The following DNMBP variants were observed in gnomAD, a reference collection of about 807,000 sequenced individuals.
DNMBP encodes dynamin binding protein.
Under a neutral mutation model 150.0 loss-of-function variants are expected in DNMBP, and 87 were observed. The ratio of observed to expected loss-of-function variants is 0.58; its 90% CI spans 0.49 to 0.69. The LOEUF is 0.69. Among genes scored for constraint, DNMBP ranks in the 30% least tolerant of loss-of-function variants. DNMBP has a pLI of 0.00. For synonymous variants in DNMBP, 711 were observed against 750.4 expected (o/e 0.95, Z 0.86); for missense variants, 1,774 against 1,949.0 (o/e 0.91, Z 1.69).
At chr10:100,008,249 T>C (rs545681521) in intron 1 of DNMBP, among the ~76,000 whole-genome samples, 1 of 152,294 alleles carries the variant, frequency 6.6e-6, no homozygotes, top group Non-Finnish European at 1.5e-5. Context: ...AAATAACTGG[T>C]GCATATTTAA....
chr10:99,976,901 C>T (rs954897677), intron 1 of DNMBP, among the ~76,000 whole-genome samples: 1 of 152,074 alleles, frequency 6.6e-6, no homozygotes, highest in African/African-American at 2.4e-5. Context: ...TCTTCTTATA[C>T]TACATTTTCT....
intron 6 of DNMBP, among the ~76,000 whole-genome samples, chr10:99,906,558 G>A (rs757376937): frequency 2.5e-4 from 38 of 152,132 alleles, no homozygotes; most frequent in Admixed American, 2.6e-4. Flanking sequence ...TGTCTCAGGC[G>A]TGCTTGCTCT....
At chr10:99,966,775 G>A (rs1179374768) in intron 3 of DNMBP, among the ~76,000 whole-genome samples, 1 of 151,880 alleles carries the variant, frequency 6.6e-6, no homozygotes, top group Non-Finnish European at 1.5e-5. Flanking sequence ...GTTTTCTCTC[G>A]TTAATACGTT....
chr10:99,904,588 G>T (rs149636439), intron 6 of DNMBP, among the ~76,000 whole-genome samples: 1 of 151,988 alleles, frequency 6.6e-6, no homozygotes, highest in South Asian at 2.1e-4. Flanking sequence ...TAGAGCCACC[G>T]GCATGGTACT....
At chr10:99,879,717 G>A in intron 16 of DNMBP, 94 bp downstream of exon 16, 1 of 1,556,734 alleles carries the variant, frequency 6.4e-7, no homozygotes, top group Non-Finnish European at 8.7e-7. Flanking sequence ...TCACCCCTAG[G>A]CCTCAGGCAA....
intron 1 of DNMBP, among the ~76,000 whole-genome samples, chr10:100,005,663 G>A (rs1236893650): frequency 6.7e-6 from 1 of 148,818 alleles, no homozygotes; most frequent in Non-Finnish European, 1.5e-5. Context: ...GCTGAGGCAG[G>A]AAATGGCTTG....
chr10:99,892,740 C>T (rs1223292882), intron 11 of DNMBP, among the ~76,000 whole-genome samples: 2 of 149,740 alleles, frequency 1.3e-5, no homozygotes, highest in African/African-American at 5.0e-5. Context: ...TGAGAAACAC[C>T]CAAGAATTAT....
chr10:99,930,833 G>A (rs2040147463), intron 4 of DNMBP: 2 of 605,390 alleles, frequency 3.3e-6, no homozygotes, highest in South Asian at 2.0e-5. Flanking sequence ...GTGGACAGGT[G>A]CAGTCTAGCC....
In DNMBP at chr10:99,957,105, C is replaced by T; in HGVS notation, c.369G>A (p.Glu123=). The T allele has an allele frequency of 3.7e-6, 6 of 1,614,006 alleles. No homozygotes were observed. The highest frequency in any genetic ancestry group is 5.1e-6 in the Non-Finnish European group (6 of 1,180,016). Residue 123 remains glutamate, a synonymous_variant, in exon 4 of 17, where the codon GAG becomes GAA. Coordinates refer to ENST00000324109, the MANE Select transcript of DNMBP (RefSeq NM_015221.4). The stretch of plus-strand genomic sequence containing the variant: ...GCCGGCTCTGTGAGGAGAGGCAGAG[C>T]TCGCGGACACATGAAGATGGGAAGA... ...RGFFPSSCVR[E]LCLSSQSRQW...
In DNMBP at chr10:99,907,904, G is replaced by A. The variant is rs1257765792; in HGVS notation, c.2554+91C>T. The A allele has an allele frequency of 5.8e-6, 5 of 868,164 alleles. No individual in the cohort carries two copies. In the East Asian group the frequency reaches 1.2e-4, roughly 21 times the overall value. 53.8% of individuals were successfully genotyped at this position (868,164 alleles called of 1,614,324 possible). A position where few individuals can be genotyped will look rare whatever the true frequency, so the allele number is the denominator to read the frequency against. On this transcript the variant is annotated intron_variant, in intron 6 of 16. Transcript: ENST00000324109. ...GTACCTACACCTGTATCTTCCCGGA[G>A]GCATAGTTACTCAGTATCAGGAAGG...
intron 4 of DNMBP, among the ~76,000 whole-genome samples, chr10:99,946,552 C>A (rs945314558): frequency 9.2e-5 from 14 of 152,140 alleles, no homozygotes; most frequent in African/African-American, 2.9e-4. Context: ...GAAAAACTAA[C>A]CATATGCAGA....
chr10:99,911,989 A>G (rs1042388888), intron 4 of DNMBP, among the ~76,000 whole-genome samples: 1 of 152,222 alleles, frequency 6.6e-6, no homozygotes, highest in African/African-American at 2.4e-5. Flanking sequence ...GAGAGGGAGA[A>G]CATTTACTGA....
At chr10:99,881,166 T>C (rs376439176) in intron 15 of DNMBP, among the ~76,000 whole-genome samples, 1 of 151,980 alleles carries the variant, frequency 6.6e-6, no homozygotes, top group South Asian at 2.1e-4. Context: ...AGCCAGATGT[T>C]GCAGTGAGCC....
chr10:99,902,978 A>G (rs2133234903), intron 6 of DNMBP, among the ~76,000 whole-genome samples: 1 of 151,976 alleles, frequency 6.6e-6, no homozygotes, highest in East Asian at 1.9e-4. Context: ...TCCACATCCT[A>G]GACTGGAGTG....
intron 3 of DNMBP, chr10:99,957,793 AC>A (rs1261456496): frequency 6.5e-6 from 1 of 153,264 alleles, no homozygotes; most frequent in East Asian, 1.9e-4. Flanking sequence ...CTGTGATTTC[AC>A]CACTACGCTC....
chr10:99,973,289 GAACAAAACAA>G (rs1033819940), intron 1 of DNMBP, among the ~76,000 whole-genome samples: 2 of 151,884 alleles, frequency 1.3e-5, no homozygotes, highest in Non-Finnish European at 2.9e-5. Flanking sequence ...AGGAATTCAG[GAACAAAACAA>G]AACAAAACAA....
intron 3 of DNMBP, chr10:99,958,296 C>T (rs941624280): frequency 1.3e-5 from 2 of 152,160 alleles, no homozygotes; most frequent in African/African-American, 4.8e-5. Flanking sequence ...ATGCACTGTG[C>T]TAAATCTCAA....
chr10:99,921,483 ACT>A (rs1298523931), intron 4 of DNMBP, among the ~76,000 whole-genome samples: 2 of 152,114 alleles, frequency 1.3e-5, no homozygotes. Flanking sequence ...TGGAGCTTAG[ACT>A]CTACTGGACT....
chr10:99,915,206 T>TAC (rs1204738914), intron 4 of DNMBP, among the ~76,000 whole-genome samples: 142 of 122,842 alleles, frequency 1.2e-3, no homozygotes, highest in Admixed American at 3.2e-3. Context: ...CACATATACA[T>TAC]ATATACATAC....
Sources: gnomAD v4.1 joint callset for allele counts (sites outside exome capture counted in the v4.1 genomes callset) on GRCh38, gnomAD v4.1.1 for gene constraint, MANE v1.5 for transcripts, NCBI Gene and HGNC (gene_info 2026-07-23, HGNC 2026-07-21) for gene names.